TGM7: variants seen among roughly 807,000 people sequenced by gnomAD.
The protein encoded by TGM7 is transglutaminase 7, also known as protein-glutamine gamma-glutamyltransferase Z.
TGM7 carries 74 observed loss-of-function variants against 79.5 expected under a neutral mutation model. The observed-to-expected ratio is 0.93, with a 90% confidence interval of 0.77 to 1.13. The LOEUF (loss-of-function observed/expected upper bound fraction) is 1.13. Among genes scored for constraint, TGM7 ranks in the 50% most tolerant of loss-of-function variants. The probability of loss-of-function intolerance (pLI) is 0.00; values close to 1 mark genes in which losing one functional copy is unlikely to be tolerated. For synonymous variants in TGM7, 354 were observed against 362.5 expected (o/e 0.98, Z 0.27); for missense variants, 912 against 905.9 (o/e 1.01, Z -0.09).
chr15:43,286,333 G>C (rs922509213), intron 6 of TGM7, among the ~76,000 whole-genome samples: 2 of 152,138 alleles, frequency 1.3e-5, no homozygotes, highest in African/African-American at 4.8e-5. Flanking sequence ...TCCTTCTCCT[G>C]CTCATCCCAG....
intron 4 of TGM7, among the ~76,000 whole-genome samples, chr15:43,291,362 C>T (rs930823171): frequency 1.3e-5 from 2 of 152,154 alleles, no homozygotes; most frequent in African/African-American, 2.4e-5. Flanking sequence ...TGCTGGATTA[C>T]GTTTATTGAT....
Position 43,282,592 on chromosome 15 carries a change from T to C in TGM7, c.1033A>G (p.Met345Val). 1.2e-6 allele frequency: 2 copies of C among 1,600,842 alleles called. No homozygotes were observed. The highest frequency in any genetic ancestry group is 3.4e-5 in the Admixed American group (2 of 58,048). The change falls in exon 8 of 13, where the codon ATG becomes GTG. Residue 345 changes from methionine (M) to valine (V), a missense_variant. By Grantham distance (21) the Met-to-Val change is conservative. Coordinates refer to ENST00000452443, the MANE Select transcript of TGM7 (RefSeq NM_052955.3). Reference protein sequence around the residue: ...WNFHVWNECWMIRKDLPPGYN... With the variant: ...WNFHVWNECWVIRKDLPPGYN... Reference sequence around the variant, plus strand: ...CCTGGTGGGAGATCTTTCCGGATCATCCAGCACTCATTCCAGACGTGGAAG... The same window carrying C: ...CCTGGTGGGAGATCTTTCCGGATCACCCAGCACTCATTCCAGACGTGGAAG...
At position 43,287,601 on chromosome 15, in the gene TGM7, C is replaced by T. The variant is rs958750839; in HGVS notation, c.627G>A (p.Pro209=). 18 of 1,613,936 alleles carry T rather than the reference C, an allele frequency of 1.1e-5. No homozygotes were observed. The highest frequency in any genetic ancestry group is 2.2e-5 in the East Asian group (1 of 44,892). The part of the protein sequence containing the change: ...LNKSLYHLKN[P]AKDCSQRNDV... ...CGTTCCGCTGGGAACAGTCTTTGGC[C>T]GGGTTCTTTAAGTGATACAGGCTCT... The change falls in exon 5 of 13, where the codon CCG becomes CCA. Residue 209 remains proline, a synonymous_variant. Transcript: ENST00000452443.
rs2042930714 is a variant in TGM7, at chr15:43,285,458, TTTTTAAC to T, written c.866-513_866-507del. Among the ~76,000 whole-genome samples the T allele has an allele frequency of 2.0e-5, 3 of 152,136 alleles. No individual in the cohort carries two copies. The South Asian group carries it at 6.2e-4, about 32-fold the overall frequency. On this transcript the variant is annotated intron_variant, in intron 6 of 12. Transcript: ENST00000452443. ...GGCTGAAAATTTAGTTCCGAAATGT[TTTTTAAC>T]TTTTATTTTAGGTTTGAGGGTACAC...
At chr15:43,281,500 C>G (rs930983673) in intron 9 of TGM7, among the ~76,000 whole-genome samples, 1 of 152,240 alleles carries the variant, frequency 6.6e-6, no homozygotes, top group East Asian at 1.9e-4. Context: ...CTATTTGGAA[C>G]ATACTTATAT....
At chr15:43,296,148 G>A (rs761587081) in intron 1 of TGM7, among the ~76,000 whole-genome samples, 5 of 152,162 alleles carry the variant, frequency 3.3e-5, no homozygotes, top group Non-Finnish European at 7.4e-5. Context: ...GAAAGCAGCC[G>A]GGTGAGGTGG....
chr15:43,293,381 G>A, intron 2 of TGM7, 68 bp downstream of exon 2: 2 of 1,507,548 alleles, frequency 1.3e-6, no homozygotes, highest in African/African-American at 1.4e-5. Flanking sequence ...CAGGGGCCCC[G>A]CAGGCAGACT....
chr15:43,276,955 T>C lies in TGM7; in HGVS notation c.1880A>G (p.His627Arg), dbSNP rs757513580. Residue 627 changes from histidine (H) to arginine (R), a missense_variant, in exon 12 of 13, where the codon CAT becomes CGT. Transcript: ENST00000452443. ...CATTAAGGTGTTGGTGAGGGTGACA[T>C]GGACTCTCAGCGCCTTGCCCACCTC... ...RAEVGKALRV[H>R]VTLTNTLMVA... The C allele has an allele frequency of 6.2e-7, 1 of 1,614,046 alleles. No homozygotes were observed. The highest frequency in any genetic ancestry group is 8.5e-7 in the Non-Finnish European group (1 of 1,179,978).
In TGM7 at chr15:43,287,408, T is replaced by G; in HGVS notation, c.737A>C (p.Asp246Ala). Residue 246 changes from aspartate (D) to alanine (A), a missense_variant, in exon 6 of 13, where the codon GAC (aspartate) becomes GCC (alanine). Transcript: ENST00000452443. ...CAGAGGACTGACCCCTTTGGAGTAG[T>G]CCTCGCCCCAGTTCCCCTGCAGCAC... is the stretch of plus-strand genomic sequence containing the variant. ...NGVLQGNWGEDYSKGVSPLEW... is the reference protein window; with the variant it reads ...NGVLQGNWGEAYSKGVSPLEW... 1 of 1,614,140 alleles carries G rather than the reference T, an allele frequency of 6.2e-7. No homozygotes were observed. The highest frequency in any genetic ancestry group is 8.5e-7 in the Non-Finnish European group (1 of 1,180,032).
At chr15:43,296,430 A>C (rs2042992980) in intron 1 of TGM7, among the ~76,000 whole-genome samples, 1 of 151,316 alleles carries the variant, frequency 6.6e-6, no homozygotes, top group Non-Finnish European at 1.5e-5. Context: ...GTCTCAAAAA[A>C]AAAAAAAAAA....
At chr15:43,291,420 A>G (rs1405160779) in intron 4 of TGM7, among the ~76,000 whole-genome samples, 1 of 152,248 alleles carries the variant, frequency 6.6e-6, no homozygotes, top group Non-Finnish European at 1.5e-5. Context: ...AATTCTGCCA[A>G]TGCAGCATGC....
At chr15:43,298,365 G>A (rs2043010495) in intron 1 of TGM7, among the ~76,000 whole-genome samples, 1 of 152,322 alleles carries the variant, frequency 6.6e-6, no homozygotes, top group South Asian at 2.1e-4. Context: ...GGGCCAAGAC[G>A]CTGCTGCTTG....
At chr15:43,287,751 G>A in intron 4 of TGM7, 82 bp from the exon 5 acceptor site, 1 of 1,527,150 alleles carries the variant, frequency 6.5e-7, no homozygotes, top group Non-Finnish European at 8.8e-7. Context: ...CAGACTTTTG[G>A]GGATGGCATG....
At chr15:43,279,025 G>T in intron 11 of TGM7, 92 bp downstream of exon 11, 3 of 1,388,078 alleles carry the variant, frequency 2.2e-6, no homozygotes, top group Non-Finnish European at 2.0e-6. Flanking sequence ...GTGGTGAGAG[G>T]TGGGAACAGT....
chr15:43,296,332 G>A (rs561456466), intron 1 of TGM7, among the ~76,000 whole-genome samples: 1 of 151,738 alleles, frequency 6.6e-6, no homozygotes, highest in South Asian at 2.1e-4. Flanking sequence ...GGCTGAGGCA[G>A]GAGAATGGCG....
In TGM7 at chr15:43,300,397, T is replaced by C. The variant is rs73398009; in HGVS notation, c.10+1844A>G. On this transcript the variant is annotated intron_variant, in intron 1 of 12. Coordinates refer to ENST00000452443, the MANE Select transcript of TGM7 (RefSeq NM_052955.3). ...AAGTGGCAAAGTTGGCATTTAAACC[T>C]AGACAGTTTGACTCTAGAACCTAGT... Among the ~76,000 whole-genome samples, 386 of 152,362 alleles carry C rather than the reference T, an allele frequency of 2.5e-3. 1 individual carries two copies. Among genetic ancestry groups the C allele is most frequent in the African/African-American group, 8.8e-3 (365 of 41,580 alleles).
At position 43,276,388 on chromosome 15, in the gene TGM7, C is replaced by T. The variant is rs2042877088; in HGVS notation, c.*67G>A. ...GAGGACAGAGGTGGAGCCAAGACGACATAGCCAGGAGTAGAAAGGAGCCAG... is the reference window on the plus strand; with the variant it reads ...GAGGACAGAGGTGGAGCCAAGACGATATAGCCAGGAGTAGAAAGGAGCCAG... On this transcript the variant is annotated 3_prime_UTR_variant, in exon 13 of 13. Coordinates refer to ENST00000452443, the MANE Select transcript of TGM7 (RefSeq NM_052955.3). 6.5e-7 allele frequency: 1 copy of T among 1,547,770 alleles called. No homozygotes were observed. Among genetic ancestry groups the T allele is most frequent in the African/African-American group, 1.4e-5 (1 of 73,134 alleles).
At chr15:43,292,587 A>G (rs1467962998) in intron 3 of TGM7, 122 bp downstream of exon 3, 2 of 1,226,554 alleles carry the variant, frequency 1.6e-6, no homozygotes, top group Non-Finnish European at 2.3e-6. Context: ...GATTTTTGTG[A>G]GAGCACACGC....
At chr15:43,297,357 G>A (rs1444708329) in intron 1 of TGM7, among the ~76,000 whole-genome samples, 1 of 151,990 alleles carries the variant, frequency 6.6e-6, no homozygotes, top group Non-Finnish European at 1.5e-5. Context: ...GGAGGCCGAG[G>A]CAGGAGAATT....
Sources: gnomAD v4.1 joint callset for allele counts (sites outside exome capture counted in the v4.1 genomes callset) on GRCh38, gnomAD v4.1.1 for gene constraint, MANE v1.5 for transcripts, NCBI Gene and HGNC (gene_info 2026-07-23, HGNC 2026-07-21) for gene names.